The following ERBB4 variants were observed in gnomAD, a reference collection of about 807,000 sequenced individuals.
ERBB4 encodes receptor tyrosine-protein kinase erbB-4.
ERBB4 carries 42 observed loss-of-function variants against 158.0 expected under a neutral mutation model. The ratio of observed to expected loss-of-function variants is 0.27; its 90% CI spans 0.21 to 0.34. The LOEUF is 0.34. Among genes scored for constraint, ERBB4 ranks in the 10% least tolerant of loss-of-function variants. The probability of loss-of-function intolerance (pLI) is 1.00; values close to 1 mark genes in which losing one functional copy is unlikely to be tolerated. For synonymous variants in ERBB4, 583 were observed against 558.7 expected, an observed-to-expected ratio of 1.04 and a Z score of -0.61; for missense variants, 1,333 against 1,624.1, an observed-to-expected ratio of 0.82 and a Z score of 3.08.
chr2:211,630,538 C>A lies in ERBB4; in HGVS notation c.2003G>T (p.Gly668Val), dbSNP rs1449246579. ...IGGLFILVIV[G>V]LTFAVYVRRK... ...TCTAACATAAACAGCAAATGTCAGA[C>A]CCACAATGACCAGAATGAAGAGCCC... Residue 668 changes from glycine to valine, a missense_variant, in exon 17 of 28, where the codon GGT becomes GTT. Gly to Val is a moderately radical substitution (Grantham distance 109). Around this residue, in one of 5 missense-constraint regions of ERBB4, gnomAD observed 245 missense variants for 247.5 expected, o/e 0.99. Transcript: ENST00000342788. 21 of 1,613,524 alleles carry A rather than the reference C, an allele frequency of 1.3e-5. No individual in the cohort carries two copies. Among genetic ancestry groups the A allele is most frequent in the Non-Finnish European group, 1.7e-5 (20 of 1,179,780 alleles).
chr2:211,666,901 T>C (rs1341962215), intron 14 of ERBB4, among the ~76,000 whole-genome samples: 2 of 152,110 alleles, frequency 1.3e-5, no homozygotes, highest in Non-Finnish European at 2.9e-5. Flanking sequence ...TTATAAACAA[T>C]GAGAATTTGG....
intron 1 of ERBB4, among the ~76,000 whole-genome samples, chr2:212,465,005 G>A (rs1688761219): frequency 6.6e-6 from 1 of 151,760 alleles, no homozygotes; most frequent in Non-Finnish European, 1.5e-5. Flanking sequence ...GTAAAACTCT[G>A]CTCTTGCCTA....
chr2:212,304,076 A>T (rs2086720715), intron 1 of ERBB4, among the ~76,000 whole-genome samples: 1 of 151,584 alleles, frequency 6.6e-6, no homozygotes, highest in Admixed American at 6.6e-5. Context: ...GAGATTTCAA[A>T]CTATACGTAT....
Position 211,701,538 on chromosome 2 carries a change from C to G in ERBB4, c.1489+429G>C, listed in dbSNP as rs559091199. 2.0e-5 allele frequency among the ~76,000 whole-genome samples: 3 copies of G among 151,850 alleles called. No homozygotes were observed. In the South Asian group the frequency reaches 6.2e-4, roughly 32 times the overall value. On this transcript the variant is annotated intron_variant, in intron 12 of 27. Coordinates refer to ENST00000342788, the MANE Select transcript of ERBB4 (RefSeq NM_005235.3). ...TTGGGAGGCCAAGGTGGGCGGATCA[C>G]GAGGTCAGGAAATCGGGACCATCCT...
intron 1 of ERBB4, among the ~76,000 whole-genome samples, chr2:212,295,337 G>A (rs1015384651): frequency 6.6e-6 from 1 of 151,856 alleles, no homozygotes; most frequent in Non-Finnish European, 1.5e-5. Context: ...ATGAAGAGAA[G>A]ACATATATGT....
intron 20 of ERBB4, among the ~76,000 whole-genome samples, chr2:211,465,384 TG>T (rs1178634504): frequency 6.6e-6 from 1 of 150,530 alleles, no homozygotes; most frequent in East Asian, 1.9e-4. Context: ...ACCTAAGTTT[TG>T]GGATGAATTT....
At chr2:211,569,730 C>T (rs1259386942) in intron 19 of ERBB4, among the ~76,000 whole-genome samples, 2 of 152,102 alleles carry the variant, frequency 1.3e-5, no homozygotes, top group Non-Finnish European at 2.9e-5. Flanking sequence ...GGCTCATGTG[C>T]TTGGAATTTA....
chr2:211,810,779 T>A (rs1377610016), intron 3 of ERBB4, among the ~76,000 whole-genome samples: 1 of 151,138 alleles, frequency 6.6e-6, no homozygotes, highest in Non-Finnish European at 1.5e-5. Context: ...TTCACGCCAT[T>A]CTCCTGCCTC....
intron 1 of ERBB4, among the ~76,000 whole-genome samples, chr2:212,310,044 T>A (rs906951865): frequency 6.6e-5 from 10 of 150,596 alleles, no homozygotes; most frequent in Non-Finnish European, 4.5e-5. Context: ...TAGAAATAGA[T>A]GCATTTTTCT....
chr2:212,281,114 A>T (rs1306816460), intron 1 of ERBB4, among the ~76,000 whole-genome samples: 2 of 151,380 alleles, frequency 1.3e-5, no homozygotes, highest in Non-Finnish European at 3.0e-5. Context: ...TTTTTTTTCT[A>T]AAAAACATAT....
Position 211,383,972 on chromosome 2 carries a change from A to C in ERBB4, c.3570T>G (p.Asn1190Lys). The C allele has an allele frequency of 6.2e-7, 1 of 1,614,044 alleles. No homozygotes were observed. The highest frequency in any genetic ancestry group is 8.5e-7 in the Non-Finnish European group (1 of 1,179,942). ...LQALDNPEYHNASNGPPKAED... is the reference protein window; with the variant it reads ...LQALDNPEYHKASNGPPKAED... Reference sequence around the variant, plus strand: ...CGGCCTTGGGTGGACCATTGGATGCATTGTGATATTCGGGATTATCCAATG... The same window carrying C: ...CGGCCTTGGGTGGACCATTGGATGCCTTGTGATATTCGGGATTATCCAATG... The change falls in exon 28 of 28, where the codon AAT (asparagine) becomes AAG (lysine). Residue 1190 changes from asparagine (N) to lysine (K), a missense_variant. Coordinates refer to ENST00000342788, the MANE Select transcript of ERBB4 (RefSeq NM_005235.3).
chr2:212,357,729 C>T (rs1411665077), intron 1 of ERBB4, among the ~76,000 whole-genome samples: 1 of 151,758 alleles, frequency 6.6e-6, no homozygotes, highest in East Asian at 1.9e-4. Flanking sequence ...ACATAGTGTG[C>T]TGCCCTCCAC....
chr2:212,495,387 C>T lies in ERBB4; in HGVS notation c.82+43062G>A, dbSNP rs867275191. The stretch of plus-strand genomic sequence containing the variant: ...AGTTTAAACTTGGTAAGTTTTAGCA[C>T]CCATTCTTCCTCAAAGGAAAAAAAT... On this transcript the variant is annotated intron_variant, in intron 1 of 27. Coordinates refer to ENST00000342788, the MANE Select transcript of ERBB4 (RefSeq NM_005235.3). 3.1e-4 allele frequency among the ~76,000 whole-genome samples: 47 copies of T among 152,104 alleles called. 2 individuals are homozygous for T. The highest frequency in any genetic ancestry group is 2.5e-3 in the South Asian group (12 of 4,830).
At chr2:211,869,275 A>G (rs973735078) in intron 3 of ERBB4, among the ~76,000 whole-genome samples, 1 of 152,256 alleles carries the variant, frequency 6.6e-6, no homozygotes, top group Non-Finnish European at 1.5e-5. Context: ...GTTAGCAGAC[A>G]CAAGTATGGC....
chr2:212,213,965 G>A (rs2083016496), intron 1 of ERBB4, among the ~76,000 whole-genome samples: 1 of 151,804 alleles, frequency 6.6e-6, no homozygotes, highest in Non-Finnish European at 1.5e-5. Context: ...GATTGACACG[G>A]AGGATTTTCC....
At chr2:212,168,770 C>T (rs987941618) in intron 1 of ERBB4, among the ~76,000 whole-genome samples, 1 of 152,088 alleles carries the variant, frequency 6.6e-6, no homozygotes, top group African/African-American at 2.4e-5. Context: ...AACTGCAAAG[C>T]ACAGAAATGA....
rs182571416 is a variant in ERBB4, at chr2:212,183,084, C to G, written c.83-58181G>C. ...TATAAAATTTAAATAATTATTAGGT[C>G]TCCTTAAGTTAAAACGATGTTTTAA... On this transcript the variant is annotated intron_variant, in intron 1 of 27. Coordinates refer to ENST00000342788, the MANE Select transcript of ERBB4 (RefSeq NM_005235.3). Among the ~76,000 whole-genome samples the G allele has an allele frequency of 7.9e-5, 12 of 151,662 alleles. 1 individual carries two copies. In the East Asian group the frequency reaches 2.1e-3, roughly 27 times the overall value.
rs566539770 is a variant in ERBB4 at position 211,752,081 on chromosome 2, A to G, written c.557-1377T>C. ...TTAGAGCCAAACACATTATAACAAC[A>G]TAATGCAAGCTCATTGTAGCTGACA... On this transcript the variant is annotated intron_variant, in intron 4 of 27. Transcript: ENST00000342788. 9.8e-5 allele frequency among the ~76,000 whole-genome samples: 15 copies of G among 152,306 alleles called. No homozygotes were observed. The South Asian group carries it at 2.9e-3, about 29-fold the overall frequency.
intron 1 of ERBB4, among the ~76,000 whole-genome samples, chr2:212,199,548 A>T (rs1292847332): frequency 6.6e-6 from 1 of 152,188 alleles, no homozygotes; most frequent in African/African-American, 2.4e-5. Context: ...TACTCAGGCT[A>T]GAGGTCTTTC....
Sources: gnomAD v4.1 joint callset for allele counts (sites outside exome capture counted in the v4.1 genomes callset) on GRCh38, gnomAD v4.1.1 for gene constraint, gnomAD v4.1.1 regional missense constraint, MANE v1.5 for transcripts, NCBI Gene and HGNC (gene_info 2026-07-23, HGNC 2026-07-21) for gene names.